Variants in AIG1 observed in about 807,000 individuals in gnomAD.
AIG1 encodes the protein androgen induced 1.
In AIG1, 23 loss-of-function variants were observed where a neutral mutation model predicts 31.4. The ratio of observed to expected loss-of-function variants is 0.73; its 90% CI spans 0.53 to 1.04. The LOEUF is 1.04. AIG1 is among the 50% of genes least tolerant of loss of function. AIG1 has a pLI of 0.00. For missense variants in AIG1, 274 were observed against 295.0 expected (o/e 0.93, Z 0.52); for synonymous variants, 100 against 110.5 (o/e 0.90, Z 0.60).
chr6:143,215,490 C>G (rs1791961254), intron 3 of AIG1, among the ~76,000 whole-genome samples: 1 of 152,202 alleles, frequency 6.6e-6, no homozygotes, highest in African/African-American at 2.4e-5. Flanking sequence ...CCACTAAGTT[C>G]TGGCAAATAA....
intron 3 of AIG1, among the ~76,000 whole-genome samples, chr6:143,165,390 C>T (rs375819862): frequency 3.9e-5 from 6 of 152,178 alleles, no homozygotes; most frequent in East Asian, 3.9e-4. Context: ...ATTATTCAAA[C>T]GATGTAGTAG....
At chr6:143,251,758 G>A (rs981039978) in intron 3 of AIG1, among the ~76,000 whole-genome samples, 1 of 152,090 alleles carries the variant, frequency 6.6e-6, no homozygotes, top group African/African-American at 2.4e-5. Flanking sequence ...CCTGGTCCTT[G>A]GCCTTTTACC....
In AIG1 at chr6:143,297,988, TG is replaced by T. The variant is rs1798555629; in HGVS notation, c.515+13764del. ...TACAAAACTCTTACATAAATTAAAA[TG>T]ATGCATAAATTTACAGGTAAAAATA... is the stretch of plus-strand genomic sequence containing the variant. On this transcript the variant is annotated intron_variant, in intron 4 of 5. Transcript: ENST00000357847. The surrounding 1 kb of genome is among the most constrained non-coding windows in gnomAD (Gnocchi z 5.1). 6.6e-6 allele frequency among the ~76,000 whole-genome samples: 1 copy of T among 151,988 alleles called. No homozygotes were observed. Among genetic ancestry groups the T allele is most frequent in the Non-Finnish European group, 1.5e-5 (1 of 67,996 alleles).
At chr6:143,228,756 C>T (rs2128630010) in intron 3 of AIG1, among the ~76,000 whole-genome samples, 1 of 152,302 alleles carries the variant, frequency 6.6e-6, no homozygotes, top group Admixed American at 6.5e-5. Flanking sequence ...GTCTGGGGAA[C>T]AGGGAAAATA....
chr6:143,126,973 A>G (rs1241490154), intron 1 of AIG1, among the ~76,000 whole-genome samples: 1 of 152,192 alleles, frequency 6.6e-6, no homozygotes, highest in Non-Finnish European at 1.5e-5. Flanking sequence ...TATAGATACT[A>G]TAGTCCCAAG....
At chr6:143,318,391 C>A (rs1775939589) in intron 4 of AIG1, among the ~76,000 whole-genome samples, 1 of 152,140 alleles carries the variant, frequency 6.6e-6, no homozygotes, top group Admixed American at 6.5e-5. Flanking sequence ...AAAGAACACT[C>A]TATTCCACAA....
At chr6:143,093,706 C>A (rs1409744910) in intron 1 of AIG1, among the ~76,000 whole-genome samples, 2 of 152,190 alleles carry the variant, frequency 1.3e-5, no homozygotes, top group Non-Finnish European at 2.9e-5. Context: ...ATGTGCAACT[C>A]TTCTTTTCCC....
chr6:143,339,510 G>T (rs1458215278), intron 5 of AIG1, 129 bp from the exon 6 acceptor site: 3 of 876,018 alleles, frequency 3.4e-6, no homozygotes, highest in Non-Finnish European at 5.3e-6. Context: ...TAGGGGGTGT[G>T]TCAGGAGGGT....
chr6:143,136,997 A>AT lies in AIG1; in HGVS notation c.297+8dup. The stretch of plus-strand genomic sequence containing the variant: ...GGCCTTTCCTGTTGGGGTTGTGAGT[A>AT]TGATGGAGGATGCATTTAGCCACAA... On this transcript the variant is annotated splice_region_variant and intron_variant, in intron 2 of 5. Coordinates refer to ENST00000357847, the MANE Select transcript of AIG1 (RefSeq NM_016108.4). 7.2e-7 allele frequency: 1 copy of AT among 1,387,854 alleles called. No homozygotes were observed. The highest frequency in any genetic ancestry group is 1.9e-5 in the South Asian group (1 of 51,556). The allele number at this position is 1,387,854 out of a possible 1,614,324, so 86.0% of individuals were successfully genotyped here.
intron 4 of AIG1, among the ~76,000 whole-genome samples, chr6:143,320,895 C>T (rs1776157093): frequency 1.3e-5 from 2 of 149,412 alleles, no homozygotes; most frequent in East Asian, 2.0e-4. Context: ...AATCTTGGCT[C>T]ACCGCGACTT....
At chr6:143,122,184 G>A (rs891772904) in intron 1 of AIG1, among the ~76,000 whole-genome samples, 2 of 152,022 alleles carry the variant, frequency 1.3e-5, no homozygotes, top group Non-Finnish European at 2.9e-5. Context: ...TTTAGAAAAA[G>A]AAACATATAT....
intron 1 of AIG1, among the ~76,000 whole-genome samples, chr6:143,102,788 G>C (rs1486122109): frequency 6.6e-6 from 1 of 151,964 alleles, no homozygotes; most frequent in African/African-American, 2.4e-5. Flanking sequence ...GACACATGTA[G>C]ACATGTCAAA....
intron 1 of AIG1, among the ~76,000 whole-genome samples, chr6:143,069,308 C>T (rs1035120275): frequency 3.3e-5 from 5 of 152,164 alleles, no homozygotes; most frequent in African/African-American, 4.8e-5. Flanking sequence ...TGAGCCACCG[C>T]GCGCGGCCAA....
rs1223325814 is a variant in AIG1 at position 143,280,576 on chromosome 6, A to G, written c.400-3534A>G. Among the ~76,000 whole-genome samples the G allele has an allele frequency of 1.3e-5, 2 of 152,226 alleles. No homozygotes were observed. Among genetic ancestry groups the G allele is most frequent in the Non-Finnish European group, 2.9e-5 (2 of 68,046 alleles). Reference sequence around the variant, plus strand: ...GTGAGATCACGTCTTTTGCAGGAGCATGGATGGAGATGGAGGCTGTAATCC... The same window carrying G: ...GTGAGATCACGTCTTTTGCAGGAGCGTGGATGGAGATGGAGGCTGTAATCC... On this transcript the variant is annotated intron_variant, in intron 3 of 5. Transcript: ENST00000357847. The surrounding 1 kb of genome is among the most constrained non-coding windows in gnomAD (Gnocchi z 4.1).
At chr6:143,308,594 G>A (rs1455866283) in intron 4 of AIG1, among the ~76,000 whole-genome samples, 1 of 152,120 alleles carries the variant, frequency 6.6e-6, no homozygotes, top group African/African-American at 2.4e-5. Context: ...GGCTTGTTCT[G>A]AGGTCAACAG....
intron 3 of AIG1, among the ~76,000 whole-genome samples, chr6:143,196,250 T>TA (rs1387272667): frequency 6.6e-6 from 1 of 152,154 alleles, no homozygotes; most frequent in Non-Finnish European, 1.5e-5. Flanking sequence ...AAAAAGTAGT[T>TA]ACTTGTTTTG....
chr6:143,284,233 C>T lies in AIG1; in HGVS notation c.515+8C>T, dbSNP rs761882561. ...TGTTGGCTATATATTATGGTAAGGA[C>T]CATGCCTGCTGGGCTTTCTTATTGT... On this transcript the variant is annotated splice_region_variant and intron_variant, in intron 4 of 5. Coordinates refer to ENST00000357847, the MANE Select transcript of AIG1 (RefSeq NM_016108.4). This position sits in a 1 kb window ranked among gnomAD's most constrained non-coding sequence, Gnocchi z 4.4. 2.5e-6 allele frequency: 4 copies of T among 1,589,540 alleles called. No homozygotes were observed. The highest frequency in any genetic ancestry group is 2.6e-6 in the Non-Finnish European group (3 of 1,159,138).
chr6:143,142,043 AC>A (rs1259911360), intron 2 of AIG1, among the ~76,000 whole-genome samples: 2 of 152,138 alleles, frequency 1.3e-5, no homozygotes, highest in East Asian at 3.8e-4. Context: ...ATGAAAAAGA[AC>A]AATTATTTAT....
At chr6:143,071,504 G>A (rs1057023316) in intron 1 of AIG1, among the ~76,000 whole-genome samples, 3 of 152,198 alleles carry the variant, frequency 2.0e-5, no homozygotes, top group African/African-American at 2.4e-5. Flanking sequence ...TTTACCGGAA[G>A]CTACCAAATG....
Sources: gnomAD v4.1 joint callset for allele counts (sites outside exome capture counted in the v4.1 genomes callset) on GRCh38, gnomAD v4.1.1 for gene constraint, Gnocchi (gnomAD v3.1) non-coding constraint, MANE v1.5 for transcripts, NCBI Gene and HGNC (gene_info 2026-07-23, HGNC 2026-07-21) for gene names.